The following FER variants were observed in gnomAD, a reference collection of about 807,000 sequenced individuals.
FER encodes FER tyrosine kinase, also known as tyrosine-protein kinase Fer.
A neutral mutation model predicts 111.0 loss-of-function variants in FER; 63 were observed. That is an observed-to-expected ratio of 0.57 (90% confidence interval 0.46 to 0.70). The LOEUF is 0.70. FER is among the 30% of genes least tolerant of loss of function. The pLI is 0.00. For missense variants in FER, 914 were observed against 954.0 expected (o/e 0.96, Z 0.55); for synonymous variants, 327 against 313.9 (o/e 1.04, Z -0.44).
At position 109,124,789 on chromosome 5, in the gene FER, G is replaced by C. The variant is rs183676925; in HGVS notation, c.2048+24270G>C. On this transcript the variant is annotated intron_variant, in intron 17 of 19. Transcript: ENST00000281092. ...GGGCCGGGCGCGGTGGCTCACGCCT[G>C]TAATCCCAGCACTTTGGGAGGCCGA... Among the ~76,000 whole-genome samples, 572 of 152,274 alleles carry C rather than the reference G, an allele frequency of 3.8e-3. 2 individuals are homozygous for C. Among genetic ancestry groups the C allele is most frequent in the African/African-American group, 0.013 (537 of 41,556 alleles).
At chr5:108,796,233 C>G (rs1756001306) in intron 2 of FER, among the ~76,000 whole-genome samples, 1 of 152,170 alleles carries the variant, frequency 6.6e-6, no homozygotes, top group African/African-American at 2.4e-5. Context: ...CAAATGGAGT[C>G]TCTCTCTCTT....
intron 13 of FER, among the ~76,000 whole-genome samples, chr5:109,010,307 G>A (rs963185538): frequency 1.9e-4 from 29 of 152,028 alleles, no homozygotes; most frequent in Admixed American, 3.3e-4. Context: ...ACAGGCGCCC[G>A]CCACCACGCC....
intron 13 of FER, among the ~76,000 whole-genome samples, chr5:109,005,043 A>C (rs762114579): frequency 6.6e-6 from 1 of 152,136 alleles, no homozygotes; most frequent in Non-Finnish European, 1.5e-5. Context: ...ACTTATTACT[A>C]TCCATCCCTA....
intron 2 of FER, among the ~76,000 whole-genome samples, chr5:108,773,558 G>T (rs369812776): frequency 7.0e-4 from 107 of 152,130 alleles, no homozygotes; most frequent in African/African-American, 2.4e-3. Context: ...AGTATTCCAT[G>T]GTATATATGT....
chr5:108,995,907 C>G (rs1763922307), intron 13 of FER, among the ~76,000 whole-genome samples: 1 of 150,902 alleles, frequency 6.6e-6, no homozygotes, highest in African/African-American at 2.4e-5. Context: ...TCCTATTTTT[C>G]CACATCCTCT....
intron 17 of FER, 139 bp from the exon 18 acceptor site, chr5:109,180,608 G>A (rs1758192005): frequency 1.1e-6 from 1 of 905,864 alleles, no homozygotes; most frequent in African/African-American, 1.7e-5. Context: ...GAAAAGATGA[G>A]GACTGGTAAA....
At chr5:108,785,367 G>T (rs1440995074) in intron 2 of FER, 10 of 581,860 alleles carry the variant, frequency 1.7e-5, no homozygotes, top group Non-Finnish European at 2.4e-5. Context: ...ATGGGCCCCA[G>T]CATCAAGATC....
At chr5:109,120,355 G>C (rs1750810119) in intron 17 of FER, among the ~76,000 whole-genome samples, 1 of 152,046 alleles carries the variant, frequency 6.6e-6, no homozygotes, top group Non-Finnish European at 1.5e-5. Flanking sequence ...ATTTATTGAA[G>C]AGACTGTCCT....
intron 10 of FER, among the ~76,000 whole-genome samples, chr5:108,901,606 T>C (rs1485167859): frequency 1.3e-5 from 2 of 152,192 alleles, no homozygotes; most frequent in Non-Finnish European, 2.9e-5. Context: ...ACTTTGTGTC[T>C]ACCACAGAAA....
At chr5:108,865,883 G>A (rs1476080324) in intron 5 of FER, among the ~76,000 whole-genome samples, 1 of 152,170 alleles carries the variant, frequency 6.6e-6, no homozygotes, top group South Asian at 2.1e-4. Flanking sequence ...AAACCACAAT[G>A]AGATACCATC....
At chr5:109,096,689 C>G (rs973665296) in intron 16 of FER, among the ~76,000 whole-genome samples, 2 of 151,636 alleles carry the variant, frequency 1.3e-5, no homozygotes, top group African/African-American at 4.8e-5. Context: ...TATTCCTGAA[C>G]CAATCACTTG....
In FER at chr5:109,194,078, C is replaced by T. The variant is rs911916017; in HGVS notation, c.*6503C>T. ...CCTGGGAGGTATCCTGGGAGGCAGCCTATTGACTTGACCAAGTAAGCTGAT... is the reference window on the plus strand; with the variant it reads ...CCTGGGAGGTATCCTGGGAGGCAGCTTATTGACTTGACCAAGTAAGCTGAT... On this transcript the variant is annotated 3_prime_UTR_variant, in exon 20 of 20. Coordinates refer to ENST00000281092, the MANE Select transcript of FER (RefSeq NM_005246.4). 14 of 152,172 alleles carry T rather than the reference C, an allele frequency of 9.2e-5. No homozygotes were observed. The highest frequency in any genetic ancestry group is 3.4e-4 in the African/African-American group (14 of 41,440). 9.4% of individuals were successfully genotyped at this position (152,172 alleles called of 1,614,324 possible). A position where few individuals can be genotyped will look rare whatever the true frequency, so the allele number is the denominator to read the frequency against.
chr5:109,157,988 G>A (rs774183977), intron 17 of FER, among the ~76,000 whole-genome samples: 2 of 152,132 alleles, frequency 1.3e-5, no homozygotes, highest in African/African-American at 2.4e-5. Context: ...TAACAATGCT[G>A]GAGTTAGGTT....
chr5:108,889,045 A>G (rs1747615624), intron 9 of FER, among the ~76,000 whole-genome samples: 3 of 151,918 alleles, frequency 2.0e-5, no homozygotes, highest in Non-Finnish European at 4.4e-5. Flanking sequence ...AAGGGGAATA[A>G]AAAAGACCTT....
intron 13 of FER, among the ~76,000 whole-genome samples, chr5:108,999,526 T>G (rs958932165): frequency 6.6e-6 from 1 of 152,132 alleles, no homozygotes; most frequent in African/African-American, 2.4e-5. Context: ...AGATGTGACG[T>G]ATGTGTGAGA....
chr5:109,183,561 C>T (rs1277345001), intron 18 of FER, among the ~76,000 whole-genome samples: 1 of 152,134 alleles, frequency 6.6e-6, no homozygotes, highest in African/African-American at 2.4e-5. Flanking sequence ...ATACTTCTTT[C>T]ATATATGAAA....
Position 108,832,909 on chromosome 5 carries a change from G to A in FER, c.347G>A (p.Gly116Asp). 6.2e-7 allele frequency: 1 copy of A among 1,601,304 alleles called. No homozygotes were observed. The highest frequency in any genetic ancestry group is 8.5e-7 in the Non-Finnish European group (1 of 1,173,672). The change falls in exon 4 of 20, where the codon GGT becomes GAT. Residue 116 changes from glycine (G) to aspartate (D), a missense_variant. Coordinates refer to ENST00000281092, the MANE Select transcript of FER (RefSeq NM_005246.4). ...DKQQVKKSYI[G>D]VHQQIEAEMI... The stretch of plus-strand genomic sequence containing the variant: ...CAGCAGGTGAAGAAAAGTTACATAG[G>A]TGTTCATCAGCAGATAGAGGCAGAG...
intron 3 of FER, 64 bp downstream of exon 3, chr5:108,798,453 C>T: frequency 3.2e-6 from 4 of 1,238,146 alleles, no homozygotes; most frequent in Non-Finnish European, 4.7e-6. Context: ...AATGCAATAG[C>T]TCAAACTATT....
At chr5:108,954,086 G>T (rs1403885216) in intron 11 of FER, among the ~76,000 whole-genome samples, 1 of 151,990 alleles carries the variant, frequency 6.6e-6, no homozygotes, top group Non-Finnish European at 1.5e-5. Context: ...CCTTATCTTT[G>T]CCATGTGTTT....
Sources: allele counts gnomAD v4.1 joint callset (sites outside exome capture counted in the v4.1 genomes callset), GRCh38; gene constraint gnomAD v4.1.1; transcripts MANE v1.5; gene names NCBI Gene and HGNC (gene_info 2026-07-23, HGNC 2026-07-21).